The following CGNL1 variants were observed in gnomAD, a reference collection of about 807,000 sequenced individuals.
CGNL1 encodes cingulin like 1.
A neutral mutation model predicts 141.2 loss-of-function variants in CGNL1; 132 were observed. The observed-to-expected ratio is 0.93, with a 90% confidence interval of 0.81 to 1.08. CGNL1 has a LOEUF of 1.08. Ranked by LOEUF, CGNL1 falls within the 50% of genes least tolerant of loss-of-function variation. The pLI is 0.00. For synonymous variants in CGNL1, 690 were observed against 622.1 expected, an observed-to-expected ratio of 1.11 and a Z score of -1.63; for missense variants, 1,870 against 1,588.6, an observed-to-expected ratio of 1.18 and a Z score of -3.01.
intron 8 of CGNL1, among the ~76,000 whole-genome samples, chr15:57,467,115 A>G (rs1479891641): frequency 1.3e-5 from 2 of 152,232 alleles, no homozygotes; most frequent in African/African-American, 4.8e-5. Context: ...ACTGCCAAGT[A>G]CAGGGCATCG....
At chr15:57,394,889 C>A (rs1353051439) in intron 1 of CGNL1, among the ~76,000 whole-genome samples, 2 of 152,136 alleles carry the variant, frequency 1.3e-5, no homozygotes, top group Non-Finnish European at 2.9e-5. Flanking sequence ...AGATGGGAGG[C>A]TCACTTGAGG....
At chr15:57,463,213 T>A (rs1400325523) in intron 8 of CGNL1, among the ~76,000 whole-genome samples, 2 of 152,198 alleles carry the variant, frequency 1.3e-5, no homozygotes, top group African/African-American at 4.8e-5. Context: ...AAAATCAAAC[T>A]TGTGCCTCAC....
intron 1 of CGNL1, among the ~76,000 whole-genome samples, chr15:57,400,405 A>C (rs1182794700): frequency 6.6e-6 from 1 of 152,068 alleles, no homozygotes; most frequent in Non-Finnish European, 1.5e-5. Context: ...AAGGATTGTA[A>C]CTTCCATCTG....
intron 9 of CGNL1, among the ~76,000 whole-genome samples, chr15:57,517,932 G>A (rs2030944804): frequency 6.6e-6 from 1 of 151,962 alleles, no homozygotes; most frequent in African/African-American, 2.4e-5. Flanking sequence ...AAAACTGTGT[G>A]TGTGGGGGTC....
rs554027381 is a variant in CGNL1, at chr15:57,511,408, A to C, written c.2404-5372A>C. 5.9e-5 allele frequency among the ~76,000 whole-genome samples: 9 copies of C among 152,324 alleles called. No individual in the cohort carries two copies. The East Asian group carries it at 1.3e-3, about 23-fold the overall frequency. On this transcript the variant is annotated intron_variant, in intron 8 of 18. Coordinates refer to ENST00000281282, the MANE Select transcript of CGNL1 (RefSeq NM_032866.5). Reference sequence around the variant, plus strand: ...ACCTAATTGGCCTTTAGTAGTGTGCAATCTTTTGCTATTAAGGTACTGCAG... The same window carrying C: ...ACCTAATTGGCCTTTAGTAGTGTGCCATCTTTTGCTATTAAGGTACTGCAG...
At chr15:57,439,742 T>C in intron 2 of CGNL1, 141 bp downstream of exon 2, 2 of 871,560 alleles carry the variant, frequency 2.3e-6, no homozygotes, top group African/African-American at 1.7e-5. Context: ...TGTTTCAGGA[T>C]CCAGTTGTGT....
chr15:57,450,984 A>G (rs1306121814), intron 4 of CGNL1, among the ~76,000 whole-genome samples: 5 of 150,514 alleles, frequency 3.3e-5, no homozygotes, highest in Non-Finnish European at 7.4e-5. Context: ...CTCTTAAGAA[A>G]CACTAAAGCT....
chr15:57,532,656 A>G (rs564864770), intron 14 of CGNL1, among the ~76,000 whole-genome samples: 2 of 152,338 alleles, frequency 1.3e-5, no homozygotes, highest in Admixed American at 6.5e-5. Context: ...AAGTACTGTT[A>G]TTGAACGTGA....
chr15:57,421,733 C>G (rs1254909416), intron 1 of CGNL1, among the ~76,000 whole-genome samples: 1 of 152,024 alleles, frequency 6.6e-6, no homozygotes, highest in Non-Finnish European at 1.5e-5. Flanking sequence ...GATCTGGGTC[C>G]CGTCCCTGCT....
rs1168028072 is a variant in CGNL1 at position 57,544,326 on chromosome 15, C to T, written c.3376-147C>T. 4 of 906,424 alleles carry T rather than the reference C, an allele frequency of 4.4e-6. No individual in the cohort carries two copies. The African/African-American group carries it at 6.7e-5, about 15-fold the overall frequency. The allele number at this position is 906,424 out of a possible 1,614,324, so 56.1% of individuals were successfully genotyped here. On this transcript the variant is annotated intron_variant, in intron 15 of 18. Coordinates refer to ENST00000281282, the MANE Select transcript of CGNL1 (RefSeq NM_032866.5). The stretch of plus-strand genomic sequence containing the variant: ...TTCCTTGGAAACATCTCTGTGTTCC[C>T]CAGGTCTCCAGGCCACAGGCCCTGG...
chr15:57,537,824 C>T (rs576787206), intron 14 of CGNL1, among the ~76,000 whole-genome samples: 1 of 152,346 alleles, frequency 6.6e-6, no homozygotes, highest in East Asian at 1.9e-4. Context: ...ATACTTTTGC[C>T]TTCAGCTCCT....
intron 1 of CGNL1, among the ~76,000 whole-genome samples, chr15:57,427,063 G>A (rs1485645780): frequency 1.3e-5 from 2 of 152,062 alleles, no homozygotes. Flanking sequence ...GCGTGTTTGG[G>A]GTGACTTTAG....
chr15:57,383,298 T>TTTTTTTTTTTTTTTTTTTTTTTTTTTTTG (rs1555428834), intron 1 of CGNL1, among the ~76,000 whole-genome samples: 2 of 141,620 alleles, frequency 1.4e-5, no homozygotes, highest in African/African-American at 5.5e-5. Context: ...CTTCCTTTTT[T>TTTTTTTTTTTTTTTTTTTTTTTTTTTTTG]TTTTTTTGTT....
At chr15:57,501,860 G>A (rs1344330517) in intron 8 of CGNL1, among the ~76,000 whole-genome samples, 5 of 152,262 alleles carry the variant, frequency 3.3e-5, no homozygotes, top group Admixed American at 6.5e-5. Context: ...ATCCTGCAGC[G>A]GCACTCACAG....
chr15:57,481,067 T>TTTTG (rs2063719635), intron 8 of CGNL1, among the ~76,000 whole-genome samples: 1 of 148,122 alleles, frequency 6.8e-6, no homozygotes, highest in African/African-American at 2.5e-5. Flanking sequence ...ACCTGGGGTT[T>TTTTG]TTTTTTTTTT....
At chr15:57,534,514 G>A (rs1192664953) in intron 14 of CGNL1, among the ~76,000 whole-genome samples, 3 of 152,176 alleles carry the variant, frequency 2.0e-5, no homozygotes, top group Non-Finnish European at 2.9e-5. Context: ...CTTATTTCCT[G>A]CCTCTTGAAA....
At chr15:57,496,504 A>G (rs2063940629) in intron 8 of CGNL1, among the ~76,000 whole-genome samples, 1 of 152,144 alleles carries the variant, frequency 6.6e-6, no homozygotes, top group South Asian at 2.1e-4. Flanking sequence ...TCCTGAAACC[A>G]TCCCTCCCCT....
chr15:57,422,651 G>A (rs2062928998), intron 1 of CGNL1, among the ~76,000 whole-genome samples: 1 of 152,126 alleles, frequency 6.6e-6, no homozygotes, highest in Admixed American at 6.5e-5. Flanking sequence ...TAGTAAGAGT[G>A]TTTAAGAGTT....
In CGNL1 at chr15:57,534,010, C is replaced by A. The variant is rs1484260751; in HGVS notation, c.3291+2231C>A. On this transcript the variant is annotated intron_variant, in intron 14 of 18. Transcript: ENST00000281282. Reference sequence around the variant, plus strand: ...GAGTCCCAGCCTCTCTGAGCTCAGTCTCTAAAATCTATCAAAAGGAAGTCA... The same window carrying A: ...GAGTCCCAGCCTCTCTGAGCTCAGTATCTAAAATCTATCAAAAGGAAGTCA... Among the ~76,000 whole-genome samples the A allele has an allele frequency of 3.3e-5, 5 of 152,206 alleles. No individual in the cohort carries two copies. The South Asian group carries it at 1.0e-3, about 31-fold the overall frequency.
Sources: gnomAD v4.1 joint callset for allele counts (sites outside exome capture counted in the v4.1 genomes callset) on GRCh38, gnomAD v4.1.1 for gene constraint, MANE v1.5 for transcripts, NCBI Gene and HGNC (gene_info 2026-07-23, HGNC 2026-07-21) for gene names.